Variants in PTPRK observed in about 807,000 individuals in gnomAD.
PTPRK encodes receptor-type tyrosine-protein phosphatase kappa.
In PTPRK, 75 loss-of-function variants were observed where a neutral mutation model predicts 178.0. That is an observed-to-expected ratio of 0.42 (90% CI 0.35 to 0.51). The LOEUF (loss-of-function observed/expected upper bound fraction) is 0.51. Among genes scored for constraint, PTPRK ranks in the 20% least tolerant of loss-of-function variants. PTPRK has a pLI of 0.02. For synonymous variants in PTPRK, 637 were observed against 620.6 expected, an observed-to-expected ratio of 1.03 and a Z score of -0.39; for missense variants, 1,441 against 1,797.8, an observed-to-expected ratio of 0.80 and a Z score of 3.59.
chr6:128,104,115 T>C (rs957231034), intron 7 of PTPRK, among the ~76,000 whole-genome samples: 2 of 152,274 alleles, frequency 1.3e-5, no homozygotes, highest in Admixed American at 6.5e-5. Flanking sequence ...TATTCAAATG[T>C]CACCTTCTTA....
intron 13 of PTPRK, among the ~76,000 whole-genome samples, chr6:128,044,902 T>G (rs1265544294): frequency 6.6e-6 from 1 of 152,062 alleles, no homozygotes; most frequent in Non-Finnish European, 1.5e-5. Flanking sequence ...CTTGAAGTGA[T>G]ATGTCTTGTT....
At chr6:128,269,267 T>C (rs926103061) in intron 3 of PTPRK, among the ~76,000 whole-genome samples, 1 of 151,972 alleles carries the variant, frequency 6.6e-6, no homozygotes, top group Non-Finnish European at 1.5e-5. Flanking sequence ...ATAAATTCTC[T>C]TAGAAAGCAT....
intron 2 of PTPRK, among the ~76,000 whole-genome samples, chr6:128,356,319 T>C (rs368633853): frequency 6.6e-6 from 1 of 152,182 alleles, no homozygotes; most frequent in African/African-American, 2.4e-5. Flanking sequence ...TCGAGCTTAT[T>C]GAAGGTATAA....
At chr6:128,247,089 A>G (rs950201479) in intron 3 of PTPRK, among the ~76,000 whole-genome samples, 1 of 152,144 alleles carries the variant, frequency 6.6e-6, no homozygotes, top group Admixed American at 6.5e-5. Flanking sequence ...ATTAATATTT[A>G]ACTCGGGTCT....
Position 128,464,636 on chromosome 6 carries a change from CACATATATATATATATAT to C in PTPRK, c.100+55605_100+55622del, listed in dbSNP as rs1321573082. 2.2e-4 allele frequency among the ~76,000 whole-genome samples: 9 copies of C among 40,740 alleles called. 2 individuals carry two copies. Among genetic ancestry groups the C allele is most frequent in the Admixed American group, 8.1e-4 (2 of 2,472 alleles). 26.7% of individuals were successfully genotyped at this position (40,740 alleles called of 152,430 possible). On this transcript the variant is annotated intron_variant, in intron 1 of 29. Coordinates refer to ENST00000368226, the MANE Select transcript of PTPRK (RefSeq NM_002844.4). ...ATACATATACATATATATATATATA[CACATATATATATATATAT>C]ATATATATATATATATATATACAAC... is the stretch of plus-strand genomic sequence containing the variant.
chr6:128,335,546 T>A (rs1830799752), intron 2 of PTPRK, among the ~76,000 whole-genome samples: 1 of 151,510 alleles, frequency 6.6e-6, no homozygotes, highest in South Asian at 2.1e-4. Context: ...CTTTAAAATG[T>A]TAAGTTCTGA....
intron 1 of PTPRK, among the ~76,000 whole-genome samples, chr6:128,476,621 T>A (rs144089849): frequency 8.0e-4 from 122 of 152,144 alleles, no homozygotes; most frequent in African/African-American, 2.8e-3. Flanking sequence ...GTTCAACAAG[T>A]GTATACCATA....
intron 2 of PTPRK, among the ~76,000 whole-genome samples, chr6:128,386,628 A>T (rs1462764049): frequency 1.3e-5 from 2 of 152,244 alleles, no homozygotes; most frequent in African/African-American, 4.8e-5. Flanking sequence ...AATAAAGGCT[A>T]CTGAAAACAC....
chr6:128,194,381 C>T (rs1218116433), intron 6 of PTPRK, among the ~76,000 whole-genome samples: 2 of 152,170 alleles, frequency 1.3e-5, no homozygotes, highest in Admixed American at 6.5e-5. Flanking sequence ...CCACCGCGCC[C>T]GGCCAATTAT....
intron 18 of PTPRK, among the ~76,000 whole-genome samples, chr6:127,993,599 A>G (rs140298752): frequency 6.6e-6 from 1 of 151,790 alleles, no homozygotes. Flanking sequence ...GAGATCTCCA[A>G]CCTAAAATTT....
chr6:128,297,377 A>C (rs948551096), intron 3 of PTPRK, among the ~76,000 whole-genome samples: 1 of 152,224 alleles, frequency 6.6e-6, no homozygotes, highest in Non-Finnish European at 1.5e-5. Context: ...AGGCAGACCT[A>C]ACAGACATCT....
intron 15 of PTPRK, among the ~76,000 whole-genome samples, chr6:128,003,577 T>C (rs533883815): frequency 1.3e-5 from 2 of 151,996 alleles, no homozygotes; most frequent in East Asian, 3.9e-4. Context: ...AAATAATTTT[T>C]TTCAGTTATC....
chr6:128,347,656 C>T (rs531887642), intron 2 of PTPRK, among the ~76,000 whole-genome samples: 4 of 152,168 alleles, frequency 2.6e-5, no homozygotes, highest in African/African-American at 9.6e-5. Flanking sequence ...GCAATCTCAT[C>T]TGTCAGATCT....
At chr6:128,273,655 T>C (rs1820255514) in intron 3 of PTPRK, among the ~76,000 whole-genome samples, 1 of 152,182 alleles carries the variant, frequency 6.6e-6, no homozygotes, top group African/African-American at 2.4e-5. Context: ...AACGTGTAAG[T>C]GTCCTGGGCC....
chr6:128,357,519 AC>A (rs1834119041), intron 2 of PTPRK, among the ~76,000 whole-genome samples: 1 of 152,146 alleles, frequency 6.6e-6, no homozygotes, highest in Non-Finnish European at 1.5e-5. Flanking sequence ...CTAGGTGGGG[AC>A]CCCAGATCCC....
At chr6:128,235,897 A>C (rs1200116683) in intron 5 of PTPRK, among the ~76,000 whole-genome samples, 1 of 152,072 alleles carries the variant, frequency 6.6e-6, no homozygotes, top group Non-Finnish European at 1.5e-5. Context: ...ATTTCACTTC[A>C]TCCTAAGGAG....
At chr6:128,176,329 C>T (rs529051007) in intron 7 of PTPRK, among the ~76,000 whole-genome samples, 60 of 151,814 alleles carry the variant, frequency 4.0e-4, no homozygotes, top group African/African-American at 1.4e-3. Context: ...TTTATGATTG[C>T]TTATTATTAT....
intron 1 of PTPRK, among the ~76,000 whole-genome samples, chr6:128,470,911 CTTTT>C (rs35084056): frequency 7.3e-6 from 1 of 137,652 alleles, no homozygotes. Context: ...TTCTTTCTTC[CTTTT>C]TTTTTTTTTT....
chr6:128,093,563 C>A (rs1214377524), intron 7 of PTPRK, among the ~76,000 whole-genome samples: 1 of 129,428 alleles, frequency 7.7e-6, no homozygotes, highest in African/African-American at 3.0e-5. Context: ...CCACTGCACT[C>A]CAGCCTGGGT....
Sources: allele counts gnomAD v4.1 joint callset (sites outside exome capture counted in the v4.1 genomes callset), GRCh38; gene constraint gnomAD v4.1.1; transcripts MANE v1.5; gene names NCBI Gene and HGNC (gene_info 2026-07-23, HGNC 2026-07-21).